PPFIA4: variants seen among roughly 807,000 people sequenced by gnomAD.
PPFIA4 encodes liprin-alpha-4.
Under a neutral mutation model 145.7 loss-of-function variants are expected in PPFIA4, and 98 were observed. That is an observed-to-expected ratio of 0.67 (90% CI 0.57 to 0.80). The LOEUF is 0.80. PPFIA4 is among the 30% of genes least tolerant of loss of function. PPFIA4 has a pLI of 0.00. For synonymous variants in PPFIA4, 628 were observed against 649.6 expected (o/e 0.97, Z 0.51); for missense variants, 1,457 against 1,632.7 (o/e 0.89, Z 1.85).
chr1:203,054,022 G>A, intron 15 of PPFIA4, 61 bp downstream of exon 15: 2 of 1,519,726 alleles, frequency 1.3e-6, no homozygotes, highest in East Asian at 4.9e-5. Context: ...CCTTTGTGTT[G>A]GAAAAACCCT....
intron 14 of PPFIA4, among the ~76,000 whole-genome samples, chr1:203,052,881 C>T (rs1376460003): frequency 6.6e-6 from 1 of 152,240 alleles, no homozygotes; most frequent in African/African-American, 2.4e-5. Context: ...ATCTGAAACT[C>T]TGCAGACTGT....
In PPFIA4 at chr1:203,068,462, T is replaced by C; in HGVS notation, c.3158T>C (p.Val1053Ala). 3 of 1,605,312 alleles carry C rather than the reference T, an allele frequency of 1.9e-6. No homozygotes were observed. The highest frequency in any genetic ancestry group is 2.6e-6 in the Non-Finnish European group (3 of 1,175,878). ...TTCCCCCACACTCCAGATGTGTTAG[T>C]CTGGACCAACGACCAGGTGGTTCAT... ...ESQHEIKDVL[V>A]WTNDQVVHWV... The change falls in exon 27 of 30, where the codon GTC (valine) becomes GCC (alanine). Residue 1053 changes from valine to alanine, a missense_variant. This residue lies in a region of PPFIA4 where 848 missense variants were observed against 1,046.7 expected (regional missense o/e 0.81). Transcript: ENST00000295706. The surrounding 1 kb of genome is among the most constrained non-coding windows in gnomAD (Gnocchi z 4.7).
Position 203,045,847 on chromosome 1 carries a change from G to A in PPFIA4, c.865G>A (p.Ala289Thr). ...KHQRDLREAL[A>T]QKEDMEERIT... ...TTGTCCCCTCTTCTCCCAGGCTCTG[G>A]CCCAGAAGGAGGACATGGAAGAGCG... Residue 289 changes from alanine (A) to threonine (T), a missense_variant, in exon 8 of 30, where the codon GCC becomes ACC. Ala to Thr is a moderately conservative substitution (Grantham distance 58, BLOSUM62 0). This residue lies in a region of PPFIA4 where 463 missense variants were observed against 459.8 expected (regional missense o/e 1.01). Transcript: ENST00000295706. The A allele has an allele frequency of 6.2e-7, 1 of 1,612,886 alleles. No individual in the cohort carries two copies. Among genetic ancestry groups the A allele is most frequent in the South Asian group, 1.1e-5 (1 of 91,086 alleles).
At chr1:203,074,358 G>A (rs989363331) in intron 28 of PPFIA4, among the ~76,000 whole-genome samples, 4 of 152,076 alleles carry the variant, frequency 2.6e-5, no homozygotes, top group African/African-American at 9.7e-5. Flanking sequence ...GCATTTGTCA[G>A]TATTTGTATA....
In PPFIA4 at chr1:203,056,432, TCTC is replaced by T. The variant is rs1206625533; in HGVS notation, c.2170_2172del (p.Pro724del). 4.3e-6 allele frequency: 7 copies of T among 1,613,872 alleles called. No individual in the cohort carries two copies. The highest frequency in any genetic ancestry group is 2.7e-5 in the African/African-American group (2 of 74,976). On this transcript the variant is annotated inframe_deletion, in exon 18 of 30. Transcript: ENST00000295706. ...TAAAGCCACCATAAAATGTGAGACT[TCTC>T]CTCCTTCCTCACCCAGGACGCTGCG... is the stretch of plus-strand genomic sequence containing the variant.
At chr1:203,028,616 A>G (rs1247992445) in intron 1 of PPFIA4, among the ~76,000 whole-genome samples, 1 of 151,940 alleles carries the variant, frequency 6.6e-6, no homozygotes, top group African/African-American at 2.4e-5. Flanking sequence ...TGTAGAAACA[A>G]GGTGTGGCAA....
intron 15 of PPFIA4, chr1:203,054,246 C>G (rs1660753911): frequency 1.6e-6 from 1 of 629,868 alleles, no homozygotes. Context: ...ATCTTAACCA[C>G]TAAGAGTGTA....
intron 29 of PPFIA4, chr1:203,076,090 G>T: frequency 1.7e-6 from 1 of 599,088 alleles, no homozygotes; most frequent in South Asian, 2.0e-5. Context: ...AGTGGGCCAG[G>T]CCCGGGGACG....
At chr1:203,070,559 G>A (rs1662077748) in intron 27 of PPFIA4, among the ~76,000 whole-genome samples, 1 of 133,700 alleles carries the variant, frequency 7.5e-6, no homozygotes, top group African/African-American at 2.8e-5. Context: ...TCCAGCCTGG[G>A]CAACAGAATG....
chr1:203,050,329 T>C (rs1036857558), intron 13 of PPFIA4, among the ~76,000 whole-genome samples: 1 of 152,214 alleles, frequency 6.6e-6, no homozygotes, highest in Admixed American at 6.5e-5. Flanking sequence ...ATTAGGCCCA[T>C]GTTTAGGGAA....
Position 203,068,520 on chromosome 1 carries a change from A to G in PPFIA4, c.3216A>G (p.Ala1072=), listed in dbSNP as rs1571736326. ...AGTCTATTGGGCTCCGGGACTACGCAGGAAACCTGCATGAGAGTGGTGTGC... is the reference window on the plus strand; with the variant it reads ...AGTCTATTGGGCTCCGGGACTACGCGGGAAACCTGCATGAGAGTGGTGTGC... ...WVQSIGLRDY[A]GNLHESGVHG... The change falls in exon 27 of 30, where the codon GCA becomes GCG. Residue 1072 remains alanine, a synonymous_variant. Transcript: ENST00000295706. The surrounding 1 kb of genome is among the most constrained non-coding windows in gnomAD (Gnocchi z 4.7). 1 of 1,609,332 alleles carries G rather than the reference A, an allele frequency of 6.2e-7. No homozygotes were observed. The highest frequency in any genetic ancestry group is 8.5e-7 in the Non-Finnish European group (1 of 1,177,896).
Position 203,059,842 on chromosome 1 carries a change from C to T in PPFIA4, c.2574C>T (p.Ser858=). ...FAQWDGPTVV[S]WLELWVGMPA... ...AGTGGGATGGTCCTACTGTGGTCTC[C>T]TGGTTGGAGGTAAGCCTGAGCAAAG... The change falls in exon 21 of 30, where the codon TCC becomes TCT. Residue 858 remains serine, a synonymous_variant. Coordinates refer to ENST00000295706, the MANE Select transcript of PPFIA4 (RefSeq NM_001304331.2). 1.9e-6 allele frequency: 3 copies of T among 1,611,222 alleles called. No individual in the cohort carries two copies. The highest frequency in any genetic ancestry group is 2.5e-6 in the Non-Finnish European group (3 of 1,178,598).
Position 203,061,592 on chromosome 1 carries a change from A to G in PPFIA4, c.2848-60A>G, listed in dbSNP as rs1661363575. ...CTCTCCTTGATGGGGCCTAGGGTAGAGCTGATGGGTTTCTTGACTTTGCCT... is the reference window on the plus strand; with the variant it reads ...CTCTCCTTGATGGGGCCTAGGGTAGGGCTGATGGGTTTCTTGACTTTGCCT... On this transcript the variant is annotated intron_variant, in intron 23 of 29. Coordinates refer to ENST00000295706, the MANE Select transcript of PPFIA4 (RefSeq NM_001304331.2). 5 of 1,515,736 alleles carry G rather than the reference A, an allele frequency of 3.3e-6. No homozygotes were observed. In the Middle Eastern group the frequency reaches 6.1e-4, roughly 183 times the overall value. The allele number at this position is 1,515,736 out of a possible 1,614,324, so 93.9% of individuals were successfully genotyped here.
intron 2 of PPFIA4, among the ~76,000 whole-genome samples, chr1:203,039,543 G>A (rs1006727871): frequency 4.6e-5 from 7 of 152,110 alleles, no homozygotes; most frequent in Admixed American, 3.3e-4. Flanking sequence ...TCCTCCCTGC[G>A]TACTCCTCTC....
chr1:203,063,786 C>T, intron 24 of PPFIA4, 42 bp from the exon 25 acceptor site: 1 of 1,609,530 alleles, frequency 6.2e-7, no homozygotes, highest in South Asian at 1.1e-5. Context: ...GCTGGCTCTA[C>T]CTTCCTCCCC....
At chr1:203,049,860 CT>C in intron 13 of PPFIA4, 93 bp downstream of exon 13, 12 of 1,110,982 alleles carry the variant, frequency 1.1e-5, no homozygotes, top group Non-Finnish European at 1.3e-5. Context: ...TGCCCAGGAC[CT>C]CAGGGTCCTC....
At chr1:203,050,055 G>C (rs1660394101) in intron 13 of PPFIA4, among the ~76,000 whole-genome samples, 1 of 152,192 alleles carries the variant, frequency 6.6e-6, no homozygotes, top group Admixed American at 6.5e-5. Flanking sequence ...TTGACAGAGG[G>C]CACACCCCTG....
chr1:203,075,975 G>GT lies in PPFIA4; in HGVS notation c.3574+218_3574+219insT. ...GCTGCCGACTTCTCCCAGCTGGGACGGCGGGGTCGCAGAGACTGGAGACCT... is the reference window on the plus strand; with the variant it reads ...GCTGCCGACTTCTCCCAGCTGGGACGTGCGGGGTCGCAGAGACTGGAGACCT... On this transcript the variant is annotated intron_variant, in intron 29 of 29. Transcript: ENST00000295706. This position sits in a 1 kb window ranked among gnomAD's most constrained non-coding sequence, Gnocchi z 4.1. 1.9e-6 allele frequency: 1 copy of GT among 534,522 alleles called. No individual in the cohort carries two copies. The highest frequency in any genetic ancestry group is 3.1e-6 in the Non-Finnish European group (1 of 323,554). 33.1% of individuals were successfully genotyped at this position (534,522 alleles called of 1,614,324 possible).
At chr1:203,057,047 G>A in intron 19 of PPFIA4, 97 bp downstream of exon 19, 2 of 1,559,972 alleles carry the variant, frequency 1.3e-6, no homozygotes, top group South Asian at 1.2e-5. Context: ...GCGTCCCAGG[G>A]ACCAGTTGGG....
Sources: gnomAD v4.1 joint callset for allele counts (sites outside exome capture counted in the v4.1 genomes callset) on GRCh38, gnomAD v4.1.1 for gene constraint, gnomAD v4.1.1 regional missense constraint, Gnocchi (gnomAD v3.1) non-coding constraint, MANE v1.5 for transcripts, NCBI Gene and HGNC (gene_info 2026-07-23, HGNC 2026-07-21) for gene names.